SLC8A3: variants seen among roughly 807,000 people sequenced by gnomAD.
SLC8A3 encodes sodium/calcium exchanger 3.
In SLC8A3, 37 loss-of-function variants were observed where a neutral mutation model predicts 65.4. The observed-to-expected ratio is 0.57, with a 90% CI of 0.44 to 0.74. The LOEUF is 0.74. Ranked by LOEUF, SLC8A3 falls within the 30% of genes least tolerant of loss-of-function variation. SLC8A3 has a pLI of 0.00. For missense variants in SLC8A3, 1,112 were observed against 1,172.1 expected (o/e 0.95, Z 0.75); for synonymous variants, 461 against 444.5 (o/e 1.04, Z -0.47).
intron 2 of SLC8A3, among the ~76,000 whole-genome samples, chr14:70,080,475 T>G (rs985662371): frequency 4.6e-5 from 7 of 152,170 alleles, no homozygotes; most frequent in Admixed American, 1.3e-4. Flanking sequence ...GACTGACTGT[T>G]GAAAACTGCT....
chr14:70,117,445 G>A (rs994591121), intron 2 of SLC8A3, among the ~76,000 whole-genome samples: 1 of 152,172 alleles, frequency 6.6e-6, no homozygotes, highest in African/African-American at 2.4e-5. Context: ...GAGCCTTAGG[G>A]CTTAGTTTGA....
At position 70,086,459 on chromosome 14, in the gene SLC8A3, T is replaced by C. The variant is rs1653191757; in HGVS notation, c.1785-25520A>G. Among the ~76,000 whole-genome samples, 5 of 146,718 alleles carry C rather than the reference T, an allele frequency of 3.4e-5. 1 individual carries two copies. In the South Asian group the frequency reaches 1.1e-3, roughly 31 times the overall value. ...CTCTGTTGCCCAGGCTGGAGTGCAA[T>C]GGCACGATCTTGGCTCACTGCAACC... On this transcript the variant is annotated intron_variant, in intron 2 of 6. Coordinates refer to ENST00000356921, the MANE Select transcript of SLC8A3 (RefSeq NM_182932.3).
intron 2 of SLC8A3, among the ~76,000 whole-genome samples, chr14:70,064,446 C>T (rs1387040899): frequency 6.7e-6 from 1 of 148,460 alleles, no homozygotes; most frequent in Non-Finnish European, 1.5e-5. Context: ...AAGGGACAAA[C>T]TGGTTTGTGG....
chr14:70,178,977 G>T (rs989790414), intron 1 of SLC8A3, among the ~76,000 whole-genome samples: 1 of 152,014 alleles, frequency 6.6e-6, no homozygotes, highest in Non-Finnish European at 1.5e-5. Flanking sequence ...TTCTCATCTA[G>T]CTTCTAACTT....
intron 2 of SLC8A3, among the ~76,000 whole-genome samples, chr14:70,092,679 T>A (rs1891885840): frequency 6.6e-6 from 1 of 152,186 alleles, no homozygotes; most frequent in African/African-American, 2.4e-5. Context: ...ACTGAAGATG[T>A]GGGTCTGAGT....
chr14:70,063,813 G>C lies in SLC8A3; in HGVS notation c.1785-2874C>G, dbSNP rs72729840. 26 of 1,434,100 alleles carry C rather than the reference G, an allele frequency of 1.8e-5. No individual in the cohort carries two copies. In the South Asian group the frequency reaches 1.9e-4, roughly 10 times the overall value. The allele number at this position is 1,434,100 out of a possible 1,614,324, so 88.8% of individuals were successfully genotyped here. On this transcript the variant is annotated intron_variant, in intron 2 of 6. Transcript: ENST00000356921. ...ATGTTAGTGTTAGTGTGGAGGACAG[G>C]GTACTACACCTTTCTGAAAACTCAT...
intron 2 of SLC8A3, among the ~76,000 whole-genome samples, chr14:70,076,308 G>A (rs1890514913): frequency 6.6e-6 from 1 of 152,026 alleles, no homozygotes; most frequent in Admixed American, 6.6e-5. Flanking sequence ...CCTTTATCTT[G>A]TTTATTTATT....
intron 2 of SLC8A3, among the ~76,000 whole-genome samples, chr14:70,094,153 A>G (rs946706881): frequency 6.6e-6 from 1 of 152,202 alleles, no homozygotes; most frequent in African/African-American, 2.4e-5. Flanking sequence ...GACATCTCTG[A>G]CAGCCAGTCC....
intron 2 of SLC8A3, among the ~76,000 whole-genome samples, chr14:70,128,860 C>T (rs994318260): frequency 2.0e-5 from 3 of 152,204 alleles, no homozygotes; most frequent in Non-Finnish European, 4.4e-5. Context: ...TTTAAAAGCT[C>T]ACGCAAAACG....
At chr14:70,117,145 T>C (rs1032443576) in intron 2 of SLC8A3, among the ~76,000 whole-genome samples, 3 of 152,248 alleles carry the variant, frequency 2.0e-5, no homozygotes, top group African/African-American at 7.2e-5. Flanking sequence ...TATACCTTCT[T>C]CTTCTAGCTG....
At chr14:70,075,995 C>A (rs1237076339) in intron 2 of SLC8A3, among the ~76,000 whole-genome samples, 1 of 152,142 alleles carries the variant, frequency 6.6e-6, no homozygotes, top group East Asian at 1.9e-4. Flanking sequence ...GCTCCAGAAC[C>A]ACAGTGAGAA....
chr14:70,171,765 A>C (rs1044358554), intron 1 of SLC8A3, among the ~76,000 whole-genome samples: 6 of 152,128 alleles, frequency 3.9e-5, no homozygotes, highest in Non-Finnish European at 8.8e-5. Context: ...GCGCCATTGC[A>C]CTCCCACCCG....
intron 1 of SLC8A3, among the ~76,000 whole-genome samples, chr14:70,179,220 T>C (rs191709753): frequency 6.6e-6 from 1 of 152,198 alleles, no homozygotes; most frequent in African/African-American, 2.4e-5. Flanking sequence ...GCCCATCTTA[T>C]CTAAAGGCAA....
chr14:70,052,116 T>C lies in SLC8A3; in HGVS notation c.1889-2A>G. ...TAGTCAGCTTCCTGTCTGTCACATC[T>C]GCAACAAAACAAAATCAGACTCGCT... On this transcript the variant is annotated splice_acceptor_variant, in intron 3 of 6. Transcript: ENST00000356921. LOFTEE classifies it high-confidence loss of function. 1 of 1,594,658 alleles carries C rather than the reference T, an allele frequency of 6.3e-7. No individual in the cohort carries two copies. The highest frequency in any genetic ancestry group is 8.5e-7 in the Non-Finnish European group (1 of 1,173,472).
chr14:70,059,663 CAGG>C (rs1438584437), intron 3 of SLC8A3, among the ~76,000 whole-genome samples: 1 of 152,144 alleles, frequency 6.6e-6, no homozygotes, highest in Non-Finnish European at 1.5e-5. Flanking sequence ...CTGAGGAAAG[CAGG>C]AGATGAGGCC....
chr14:70,080,236 A>AT (rs780781143), intron 2 of SLC8A3: 2 of 985,276 alleles, frequency 2.0e-6, no homozygotes, highest in Non-Finnish European at 2.4e-6. Flanking sequence ...TAGCGCTTTC[A>AT]TTTTTTTATA....
intron 2 of SLC8A3, among the ~76,000 whole-genome samples, chr14:70,137,997 T>C (rs1034217968): frequency 1.3e-5 from 2 of 152,120 alleles, no homozygotes; most frequent in Non-Finnish European, 1.5e-5. Flanking sequence ...ATCTCCTCCA[T>C]ACACCTTTCC....
intron 2 of SLC8A3, among the ~76,000 whole-genome samples, chr14:70,090,140 C>G (rs1380691208): frequency 6.6e-6 from 1 of 151,686 alleles, no homozygotes; most frequent in Non-Finnish European, 1.5e-5. Flanking sequence ...CAGCCTGATG[C>G]TTGTTTTTCA....
chr14:70,055,883 G>C (rs1343513715), intron 3 of SLC8A3: 2 of 1,411,452 alleles, frequency 1.4e-6, no homozygotes, highest in Non-Finnish European at 2.0e-6. Context: ...CATCTTGAAA[G>C]TATCACCAGG....
Sources: allele counts gnomAD v4.1 joint callset (sites outside exome capture counted in the v4.1 genomes callset), GRCh38; gene constraint gnomAD v4.1.1; transcripts MANE v1.5; gene names NCBI Gene and HGNC (gene_info 2026-07-23, HGNC 2026-07-21).